The following ARHGEF11 variants were observed in gnomAD, a reference collection of about 807,000 sequenced individuals.
ARHGEF11 encodes the protein Rho guanine exchange factor (GEF) 11.
In ARHGEF11, 55 loss-of-function variants were observed where a neutral mutation model predicts 193.7. The observed-to-expected ratio is 0.28, with a 90% CI of 0.23 to 0.36. ARHGEF11 has a LOEUF of 0.36. ARHGEF11 is among the 10% of genes least tolerant of loss of function. The pLI is 1.00. For missense variants in ARHGEF11, 1,723 were observed against 2,005.6 expected (o/e 0.86, Z 2.69); for synonymous variants, 693 against 768.0 (o/e 0.90, Z 1.62).
chr1:156,954,834 G>C, intron 21 of ARHGEF11, 58 bp downstream of exon 21: 24 of 1,386,364 alleles, frequency 1.7e-5, no homozygotes, highest in Non-Finnish European at 2.3e-5. Context: ...GACAAGATTT[G>C]GGAGATGGAA....
intron 1 of ARHGEF11, among the ~76,000 whole-genome samples, chr1:157,006,057 G>A (rs1454892044): frequency 6.6e-6 from 1 of 152,152 alleles, no homozygotes. Flanking sequence ...TAAAATATAG[G>A]TTTCTACACA....
upstream of ARHGEF11, among the ~76,000 whole-genome samples, chr1:157,046,230 C>A (rs1274503558): frequency 1.3e-5 from 2 of 150,122 alleles, no homozygotes; most frequent in Non-Finnish European, 3.0e-5. Flanking sequence ...CCGTCCCCGC[C>A]GCCGCCACCG....
chr1:156,954,752 A>G, intron 21 of ARHGEF11, 140 bp downstream of exon 21: 1 of 783,846 alleles, frequency 1.3e-6, no homozygotes, highest in Non-Finnish European at 2.1e-6. Context: ...GCAACGCATA[A>G]GAGAAATGGA....
intron 7 of ARHGEF11, among the ~76,000 whole-genome samples, chr1:156,972,373 T>C (rs1662607700): frequency 6.6e-6 from 1 of 152,332 alleles, no homozygotes; most frequent in African/African-American, 2.4e-5. Context: ...CTCCACTTAC[T>C]AGCTGTATAG....
chr1:157,044,732 A>G lies in ARHGEF11; in HGVS notation c.-402T>C, dbSNP rs2103133378. 2 of 398,312 alleles carry G rather than the reference A, an allele frequency of 5.0e-6. No individual in the cohort carries two copies. The highest frequency in any genetic ancestry group is 2.1e-5 in the African/African-American group (1 of 48,646). The allele number at this position is 398,312 out of a possible 1,614,324, so 24.7% of individuals were successfully genotyped here. A position where few individuals can be genotyped will look rare whatever the true frequency, so the allele number is the denominator to read the frequency against. On this transcript the variant is annotated 5_prime_UTR_variant, in exon 1 of 41. Transcript: ENST00000368194. Reference sequence around the variant, plus strand: ...CTGTTAACTGCAAAGTACAGATAAAACCATCCTTTAAATCCAGCTTTCTCA... The same window carrying G: ...CTGTTAACTGCAAAGTACAGATAAAGCCATCCTTTAAATCCAGCTTTCTCA...
chr1:156,995,703 TG>T (rs1241235086), intron 1 of ARHGEF11, among the ~76,000 whole-genome samples: 4 of 142,414 alleles, frequency 2.8e-5, no homozygotes, highest in Non-Finnish European at 6.2e-5. Context: ...CTGCCCAGCT[TG>T]TTTTTTTTTT....
At chr1:157,027,881 G>A (rs953528203) in intron 1 of ARHGEF11, among the ~76,000 whole-genome samples, 3 of 152,138 alleles carry the variant, frequency 2.0e-5, no homozygotes, top group Admixed American at 6.5e-5. Context: ...CTCTGAGGTC[G>A]CCATGTAGAA....
chr1:157,015,614 G>T (rs1441090888), intron 1 of ARHGEF11, among the ~76,000 whole-genome samples: 1 of 152,144 alleles, frequency 6.6e-6, no homozygotes, highest in Admixed American at 6.5e-5. Context: ...CAGCCTGAAG[G>T]TCTACTGCCA....
chr1:156,993,068 C>T (rs1170981604), intron 1 of ARHGEF11, among the ~76,000 whole-genome samples: 2 of 152,218 alleles, frequency 1.3e-5, no homozygotes, highest in African/African-American at 4.8e-5. Context: ...TTACCACGTG[C>T]TGTGCTAAGC....
intron 33 of ARHGEF11, among the ~76,000 whole-genome samples, chr1:156,942,388 A>G (rs996559785): frequency 3.3e-5 from 5 of 152,294 alleles, no homozygotes; most frequent in African/African-American, 1.2e-4. Context: ...AATGCCTGAG[A>G]AGGATGCATG....
In ARHGEF11 at chr1:156,948,045, C is replaced by T. The variant is rs1315279404; in HGVS notation, c.2154-89G>A. ...TCCCTCTCCTGCCCGACCTGCTTGC[C>T]CCATGCACATGGGAAACCAGTGGGC... On this transcript the variant is annotated intron_variant, in intron 24 of 40. Transcript: ENST00000368194. This position sits in a 1 kb window ranked among gnomAD's most constrained non-coding sequence, Gnocchi z 4.2. The T allele has an allele frequency of 3.2e-6, 5 of 1,552,888 alleles. No homozygotes were observed. In the East Asian group the frequency reaches 9.2e-5, roughly 29 times the overall value.
Position 156,963,251 on chromosome 1 carries a change from C to A in ARHGEF11, c.1092G>T (p.Leu364=). 1 of 1,614,180 alleles carries A rather than the reference C, an allele frequency of 6.2e-7. No individual in the cohort carries two copies. Among genetic ancestry groups the A allele is most frequent in the South Asian group, 1.1e-5 (1 of 91,072 alleles). Residue 364 remains leucine (L), a synonymous_variant, in exon 13 of 41, where the codon CTG becomes CTT. Transcript: ENST00000368194. ...LEKLKSRPAH[L]GVFLRYIFSQ... ...AGAAGATGTAACGTAGAAAAACCCC[C>A]AGGTGAGCTGGCCGAGACTTCAGTT... is the stretch of plus-strand genomic sequence containing the variant.
intron 1 of ARHGEF11, among the ~76,000 whole-genome samples, chr1:157,031,146 G>A (rs1362464771): frequency 6.6e-6 from 1 of 152,154 alleles, no homozygotes; most frequent in African/African-American, 2.4e-5. Flanking sequence ...GAAAGTTCCA[G>A]TGTATCCCCA....
At chr1:157,020,440 C>T (rs147530213) in intron 1 of ARHGEF11, among the ~76,000 whole-genome samples, 2 of 152,092 alleles carry the variant, frequency 1.3e-5, no homozygotes. Context: ...TAAGGCTGTC[C>T]CAAAACATTC....
chr1:157,005,514 C>G (rs988456656), intron 1 of ARHGEF11, among the ~76,000 whole-genome samples: 1 of 152,210 alleles, frequency 6.6e-6, no homozygotes, highest in East Asian at 1.9e-4. Flanking sequence ...CAAGGCCATT[C>G]AGAACCCCCA....
intron 2 of ARHGEF11, among the ~76,000 whole-genome samples, chr1:156,985,314 T>C (rs1664757368): frequency 6.6e-6 from 1 of 152,210 alleles, no homozygotes; most frequent in Non-Finnish European, 1.5e-5. Context: ...GCAATTTATA[T>C]AAAACCCATT....
In ARHGEF11 at chr1:156,958,791, G is replaced by A; in HGVS notation, c.1453C>T (p.Arg485Ter). ...DLLDLDGDPL[R>*]ERQVAEKQLA... is the part of the protein sequence containing the mutation. ...TGCTTCTCAGCCACTTGGCGCTCTCGGAGAGGGTCCCCATCCAGGTCCAGC... is the reference window on the plus strand; with the variant it reads ...TGCTTCTCAGCCACTTGGCGCTCTCAGAGAGGGTCCCCATCCAGGTCCAGC... The change falls in exon 17 of 41, where the codon CGA (arginine) becomes TGA (stop). Residue 485 changes from arginine to a stop codon, truncating the protein, a stop_gained. Coordinates refer to ENST00000368194, the MANE Select transcript of ARHGEF11 (RefSeq NM_198236.3). LOFTEE classifies it high-confidence loss of function. 2 of 1,614,170 alleles carry A rather than the reference G, an allele frequency of 1.2e-6. No individual in the cohort carries two copies. The highest frequency in any genetic ancestry group is 1.7e-6 in the Non-Finnish European group (2 of 1,180,026).
chr1:156,958,721 G>A (rs1281308305), intron 17 of ARHGEF11, 21 bp downstream of exon 17: 1 of 1,614,076 alleles, frequency 6.2e-7, no homozygotes, highest in Non-Finnish European at 8.5e-7. Flanking sequence ...CAGTGGGGTG[G>A]GAGGAAGCTG....
At chr1:156,944,144 C>G (rs769889702) in intron 31 of ARHGEF11, 42 bp from the exon 32 acceptor site, 3 of 1,598,568 alleles carry the variant, frequency 1.9e-6, no homozygotes, top group Admixed American at 1.7e-5. Flanking sequence ...CTGGTGCCTA[C>G]TCATCCCTCA....
Sources: allele counts gnomAD v4.1 joint callset (sites outside exome capture counted in the v4.1 genomes callset), GRCh38; gene constraint gnomAD v4.1.1; non-coding constraint Gnocchi (gnomAD v3.1); transcripts MANE v1.5; gene names NCBI Gene and HGNC (gene_info 2026-07-23, HGNC 2026-07-21).